Variants in METTL2A observed in about 807,000 individuals in gnomAD.
The protein encoded by METTL2A is tRNA N(3)-cytidine methyltransferase METTL2A.
A neutral mutation model predicts 49.4 loss-of-function variants in METTL2A; 45 were observed. The observed-to-expected ratio is 0.91, with a 90% CI of 0.72 to 1.17. The LOEUF (loss-of-function observed/expected upper bound fraction) is 1.17. Among genes scored for constraint, METTL2A ranks in the 50% most tolerant of loss-of-function variants. The pLI, the probability that METTL2A is intolerant of heterozygous loss-of-function variation, is 0.00. For missense variants in METTL2A, 361 were observed against 462.2 expected, an observed-to-expected ratio of 0.78 and a Z score of 2.01; for synonymous variants, 118 against 167.5, an observed-to-expected ratio of 0.70 and a Z score of 2.28.
intron 4 of METTL2A, among the ~76,000 whole-genome samples, chr17:62,434,157 T>C (rs1275976473): frequency 1.3e-5 from 2 of 152,322 alleles, no homozygotes; most frequent in South Asian, 4.1e-4. Context: ...CTTTGTGCAG[T>C]GACGGAAATG....
rs189716554 is a variant in METTL2A at position 62,441,825 on chromosome 17, C to T, written c.809+1069C>T. ...ATGAGATCTTGGCTCACTGCAACCT[C>T]CACCTCCCGGGTTCAACCAATTCTC... is the stretch of plus-strand genomic sequence containing the variant. On this transcript the variant is annotated intron_variant, in intron 6 of 8. Transcript: ENST00000311506. Among the ~76,000 whole-genome samples the T allele has an allele frequency of 5.9e-4, 90 of 151,520 alleles. 3 individuals carry two copies. The East Asian group carries it at 0.017, about 28-fold the overall frequency.
At chr17:62,437,586 T>C (rs2144146659) in intron 5 of METTL2A, among the ~76,000 whole-genome samples, 1 of 152,304 alleles carries the variant, frequency 6.6e-6, no homozygotes, top group Middle Eastern at 3.4e-3. Flanking sequence ...ACCTAGCTGA[T>C]AAATACAGCA....
intron 4 of METTL2A, among the ~76,000 whole-genome samples, chr17:62,430,478 GTT>G (rs1026899100): frequency 5.3e-5 from 8 of 152,198 alleles, no homozygotes; most frequent in African/African-American, 1.9e-4. Flanking sequence ...GTTGGGCATA[GTT>G]TTCAAAGTCC....
intron 6 of METTL2A, among the ~76,000 whole-genome samples, chr17:62,441,942 T>G: frequency 6.6e-6 from 1 of 151,812 alleles, no homozygotes; most frequent in African/African-American, 2.4e-5. Flanking sequence ...GAGATGGTGT[T>G]TCACCATGTT....
chr17:62,432,214 C>T (rs886314848), intron 4 of METTL2A, among the ~76,000 whole-genome samples: 2 of 152,244 alleles, frequency 1.3e-5, no homozygotes, highest in African/African-American at 4.8e-5. Context: ...TTATCTTGGG[C>T]TAATTTTAAG....
At chr17:62,426,087 A>G (rs933096448) in intron 2 of METTL2A, among the ~76,000 whole-genome samples, 4 of 151,964 alleles carry the variant, frequency 2.6e-5, no homozygotes, top group Non-Finnish European at 1.5e-5. Flanking sequence ...CAGAATTTAG[A>G]CTCTCCTATA....
chr17:62,445,116 G>C (rs2070760488), intron 7 of METTL2A, among the ~76,000 whole-genome samples, 173 bp downstream of exon 7: 1 of 151,310 alleles, frequency 6.6e-6, no homozygotes, highest in Admixed American at 6.6e-5. Context: ...ACACGGGGCG[G>C]GGGGCATCAC....
rs2070814413 is a variant in METTL2A, at chr17:62,453,217, C to T, written c.*4488C>T. Among the ~76,000 whole-genome samples the T allele has an allele frequency of 6.6e-6, 1 of 152,186 alleles. No homozygotes were observed. Among genetic ancestry groups the T allele is most frequent in the South Asian group, 2.1e-4 (1 of 4,836 alleles). On this transcript the variant is annotated 3_prime_UTR_variant, in exon 9 of 9. Transcript: ENST00000311506. ...GCTCCCTTTTATTCTCTGCCATCTG[C>T]TAAGCTCGACTTTTTATCTCTCAGG...
chr17:62,439,566 T>G (rs2070724320), intron 5 of METTL2A, among the ~76,000 whole-genome samples: 1 of 152,036 alleles, frequency 6.6e-6, no homozygotes, highest in Non-Finnish European at 1.5e-5. Flanking sequence ...CCCGAGTAGC[T>G]GGGACTACAG....
At chr17:62,444,796 T>G (rs565064356) in intron 6 of METTL2A, 41 bp from the exon 7 acceptor site, 1 of 1,607,502 alleles carries the variant, frequency 6.2e-7, no homozygotes, top group African/African-American at 1.3e-5. Context: ...ACCCCGTCTT[T>G]AAGGAGACCT....
intron 5 of METTL2A, among the ~76,000 whole-genome samples, chr17:62,438,597 G>A (rs2144148001): frequency 1.3e-5 from 2 of 150,008 alleles, no homozygotes; most frequent in East Asian, 3.9e-4. Context: ...AAAAAAAAGA[G>A]TCTGTCACAA....
In METTL2A at chr17:62,452,306, A is replaced by G. The variant is rs1257179442; in HGVS notation, c.*3577A>G. 6.6e-6 allele frequency among the ~76,000 whole-genome samples: 1 copy of G among 152,136 alleles called. No individual in the cohort carries two copies. The highest frequency in any genetic ancestry group is 2.4e-5 in the African/African-American group (1 of 41,444). On this transcript the variant is annotated 3_prime_UTR_variant, in exon 9 of 9. Coordinates refer to ENST00000311506, the MANE Select transcript of METTL2A (RefSeq NM_181725.4). ...CCCATAGGATCGTATCAGGCGACAC[A>G]TGATTATGAATTTCCCCATTATTGG...
chr17:62,441,522 T>C (rs1466625057), intron 6 of METTL2A, among the ~76,000 whole-genome samples: 5 of 151,994 alleles, frequency 3.3e-5, no homozygotes, highest in South Asian at 2.1e-4. Flanking sequence ...TCTAGGCTCA[T>C]TGCAACCTCC....
At chr17:62,437,758 G>A (rs1009414710) in intron 5 of METTL2A, among the ~76,000 whole-genome samples, 5 of 152,122 alleles carry the variant, frequency 3.3e-5, no homozygotes, top group African/African-American at 1.2e-4. Flanking sequence ...CGGATCACGA[G>A]GTCAGGAGTT....
At chr17:62,444,639 G>A (rs2070757048) in intron 6 of METTL2A, among the ~76,000 whole-genome samples, 198 bp from the exon 7 acceptor site, 1 of 152,192 alleles carries the variant, frequency 6.6e-6, no homozygotes. Flanking sequence ...TCAGGCTGAA[G>A]GCAGTGGATC....
Position 62,427,663 on chromosome 17 carries a change from G to A in METTL2A, c.559-125G>A, listed in dbSNP as rs2070637119. On this transcript the variant is annotated intron_variant, in intron 3 of 8. Transcript: ENST00000311506. ...AATGTCATGAGTACTGTTTAGCTCT[G>A]GTCACTACACCTTCCCTAATACAGT... The A allele has an allele frequency of 5.0e-6, 7 of 1,400,014 alleles. No individual in the cohort carries two copies. In the Admixed American group the frequency reaches 1.2e-4, roughly 25 times the overall value. The allele number at this position is 1,400,014 out of a possible 1,614,324, so 86.7% of individuals were successfully genotyped here.
chr17:62,446,772 G>A (rs948754046), intron 7 of METTL2A, among the ~76,000 whole-genome samples: 12 of 152,266 alleles, frequency 7.9e-5, no homozygotes, highest in Non-Finnish European at 1.2e-4. Context: ...GGTGGACCCC[G>A]TACCACTGAA....
intron 4 of METTL2A, among the ~76,000 whole-genome samples, chr17:62,434,262 C>T (rs1351734013): frequency 6.6e-6 from 1 of 152,204 alleles, no homozygotes; most frequent in Non-Finnish European, 1.5e-5. Flanking sequence ...TAAGTAGCCA[C>T]AGGTAGCTAG....
chr17:62,447,883 C>T (rs2070779739), intron 8 of METTL2A, 117 bp downstream of exon 8: 1 of 1,551,946 alleles, frequency 6.4e-7, no homozygotes, highest in Non-Finnish European at 8.7e-7. Context: ...AGGCTGTTTC[C>T]TGCGGTTCCC....
Sources: allele counts gnomAD v4.1 joint callset (sites outside exome capture counted in the v4.1 genomes callset), GRCh38; gene constraint gnomAD v4.1.1; transcripts MANE v1.5; gene names NCBI Gene and HGNC (gene_info 2026-07-23, HGNC 2026-07-21).